TASP1: variants seen among roughly 807,000 people sequenced by gnomAD.
TASP1 encodes threonine aspartase 1.
In TASP1, 16 loss-of-function variants were observed where a neutral mutation model predicts 56.6. That is an observed-to-expected ratio of 0.28 (90% CI 0.19 to 0.43). The LOEUF (loss-of-function observed/expected upper bound fraction) is 0.43, where lower values mean the gene tolerates loss of function less well. Ranked by LOEUF, TASP1 falls within the 20% of genes least tolerant of loss-of-function variation. The pLI is 1.00. For missense variants in TASP1, 393 were observed against 511.6 expected (o/e 0.77, Z 2.24); for synonymous variants, 179 against 184.2 (o/e 0.97, Z 0.23).
At chr20:13,502,288 A>G (rs892206084) in intron 10 of TASP1, among the ~76,000 whole-genome samples, 4 of 152,134 alleles carry the variant, frequency 2.6e-5, no homozygotes, top group African/African-American at 9.7e-5. Context: ...GATAAGCAAA[A>G]GGTCGTCTTT....
At chr20:13,544,138 C>T (rs961219151) in intron 8 of TASP1, among the ~76,000 whole-genome samples, 5 of 152,124 alleles carry the variant, frequency 3.3e-5, no homozygotes, top group African/African-American at 1.2e-4. Context: ...CTAAAACCAT[C>T]GAACATTAAG....
the TASP1 span, chr20:13,279,700 C>T: frequency 1.9e-6 from 3 of 1,614,016 alleles, no homozygotes; most frequent in Admixed American, 1.7e-5. Context: ...GGAGAATAAG[C>T]CCAGCTGGTC....
At chr20:13,308,421 CAG>C in the TASP1 span, among the ~76,000 whole-genome samples, 14 of 152,002 alleles carry the variant, frequency 9.2e-5, no homozygotes, top group Non-Finnish European at 1.8e-4. Flanking sequence ...GATGAGGAAA[CAG>C]AAACTCTTAC....
At chr20:13,325,910 G>A in the TASP1 span, among the ~76,000 whole-genome samples, 8 of 151,928 alleles carry the variant, frequency 5.3e-5, no homozygotes, top group Non-Finnish European at 1.0e-4. Flanking sequence ...TACACACGTC[G>A]ACCATCAAAA....
the TASP1 span, among the ~76,000 whole-genome samples, chr20:13,159,209 A>T: frequency 1.3e-5 from 2 of 152,242 alleles, no homozygotes; most frequent in Non-Finnish European, 2.9e-5. Context: ...ATCATAGCTT[A>T]TGAAGGTTTT....
At chr20:13,227,677 T>A in the TASP1 span, among the ~76,000 whole-genome samples, 14 of 150,114 alleles carry the variant, frequency 9.3e-5, no homozygotes, top group South Asian at 3.0e-3. Flanking sequence ...CCTGGCTAAT[T>A]TTTTGTATTT....
intron 4 of TASP1, among the ~76,000 whole-genome samples, chr20:13,588,139 TC>T (rs2147261043): frequency 6.6e-6 from 1 of 151,878 alleles, no homozygotes; most frequent in East Asian, 1.9e-4. Context: ...CTGGATGCCT[TC>T]CCCTAAGATC....
the TASP1 span, among the ~76,000 whole-genome samples, chr20:13,244,622 C>T: frequency 2.6e-5 from 4 of 152,302 alleles, no homozygotes; most frequent in East Asian, 7.7e-4. Flanking sequence ...CATGGTATTA[C>T]CTTTACTATA....
chr20:13,299,441 A>C, the TASP1 span: 77 of 1,603,634 alleles, frequency 4.8e-5, no homozygotes, highest in Non-Finnish European at 6.2e-5. The surrounding 1 kb of genome is among the most constrained non-coding windows in gnomAD (Gnocchi z 5.8). Context: ...AGCAGTTCCA[A>C]GAGGCCAGGG....
At chr20:13,230,851 G>A in the TASP1 span, among the ~76,000 whole-genome samples, 5 of 152,098 alleles carry the variant, frequency 3.3e-5, no homozygotes, top group Middle Eastern at 3.4e-3. Context: ...ACATAAATAC[G>A]TAAAACCTAA....
chr20:13,459,968 A>G (rs941251754), intron 11 of TASP1, among the ~76,000 whole-genome samples: 5 of 152,160 alleles, frequency 3.3e-5, no homozygotes, highest in African/African-American at 1.2e-4. Flanking sequence ...TTTGTCTTCT[A>G]TATAGACAAG....
At chr20:13,452,702 G>C (rs1203821335) in intron 11 of TASP1, among the ~76,000 whole-genome samples, 2 of 152,010 alleles carry the variant, frequency 1.3e-5, no homozygotes, top group Admixed American at 6.6e-5. Flanking sequence ...ATTGGAATCT[G>C]AGAAGGGCAT....
chr20:13,355,943 T>C, the TASP1 span, among the ~76,000 whole-genome samples: 1 of 152,336 alleles, frequency 6.6e-6, no homozygotes, highest in Admixed American at 6.5e-5. Flanking sequence ...AAAATAGCTA[T>C]GTTGATACCA....
At chr20:13,627,710 G>A (rs867940953) in intron 2 of TASP1, among the ~76,000 whole-genome samples, 94 of 126,998 alleles carry the variant, frequency 7.4e-4, no homozygotes, top group Non-Finnish European at 1.3e-3. Flanking sequence ...TGCAGCCTGG[G>A]CAACAAGAGC....
rs201724903 is a variant in TASP1 at position 13,435,166 on chromosome 20, G to A, written c.986-12C>T. On this transcript the variant is annotated splice_polypyrimidine_tract_variant and intron_variant, in intron 11 of 13. Transcript: ENST00000337743. Reference sequence around the variant, plus strand: ...AAGGAAAGGTGAACCTAGGCAGAAAGGACTAGTAGTTATTTTTCAGTGAAT... The same window carrying A: ...AAGGAAAGGTGAACCTAGGCAGAAAAGACTAGTAGTTATTTTTCAGTGAAT... 3.2e-6 allele frequency: 5 copies of A among 1,543,836 alleles called. No homozygotes were observed. The highest frequency in any genetic ancestry group is 4.4e-6 in the Non-Finnish European group (5 of 1,141,070).
At chr20:13,443,609 C>G (rs911577842) in intron 11 of TASP1, among the ~76,000 whole-genome samples, 1 of 152,154 alleles carries the variant, frequency 6.6e-6, no homozygotes, top group African/African-American at 2.4e-5. Context: ...TGTATGTAAT[C>G]TGGACATTCA....
chr20:13,109,891 T>C, the TASP1 span, among the ~76,000 whole-genome samples: 5 of 152,198 alleles, frequency 3.3e-5, no homozygotes, highest in Admixed American at 1.3e-4. Context: ...GGTGAGAGTT[T>C]ACTCTGCCTA....
intron 13 of TASP1, among the ~76,000 whole-genome samples, chr20:13,400,201 T>C (rs2041686329): frequency 6.6e-6 from 1 of 152,226 alleles, no homozygotes; most frequent in Non-Finnish European, 1.5e-5. Context: ...CCCAGAAAAG[T>C]ACCTCAATAT....
chr20:13,432,489 T>C (rs1600772720), intron 12 of TASP1, among the ~76,000 whole-genome samples: 1 of 152,350 alleles, frequency 6.6e-6, no homozygotes, highest in East Asian at 1.9e-4. Flanking sequence ...ACTGTTTGAA[T>C]TTATTTTCTT....
Sources: allele counts gnomAD v4.1 joint callset (sites outside exome capture counted in the v4.1 genomes callset), GRCh38; gene constraint gnomAD v4.1.1; non-coding constraint Gnocchi (gnomAD v3.1); transcripts MANE v1.5; gene names NCBI Gene and HGNC (gene_info 2026-07-23, HGNC 2026-07-21).